Variants in SYT9 observed in about 807,000 individuals in gnomAD.
SYT9 encodes synaptotagmin-9.
Under a neutral mutation model 48.4 loss-of-function variants are expected in SYT9, and 22 were observed. The observed-to-expected ratio is 0.45, with a 90% CI of 0.32 to 0.65. The LOEUF (loss-of-function observed/expected upper bound fraction) is 0.65, where lower values mean the gene tolerates loss of function less well. Among genes scored for constraint, SYT9 ranks in the 30% least tolerant of loss-of-function variants. The pLI, the probability that SYT9 is intolerant of heterozygous loss-of-function variation, is 0.03. For synonymous variants in SYT9, 265 were observed against 245.0 expected (o/e 1.08, Z -0.76); for missense variants, 577 against 622.0 (o/e 0.93, Z 0.77).
At chr11:7,340,285 C>G (rs1290484049) in intron 3 of SYT9, among the ~76,000 whole-genome samples, 4 of 152,108 alleles carry the variant, frequency 2.6e-5, no homozygotes, top group Non-Finnish European at 5.9e-5. Context: ...TCTTAGTTTT[C>G]TTGAGATGAG....
intron 1 of SYT9, among the ~76,000 whole-genome samples, chr11:7,268,440 A>G (rs1848231905): frequency 6.6e-6 from 1 of 152,018 alleles, no homozygotes; most frequent in Non-Finnish European, 1.5e-5. Context: ...TCTGACAAAG[A>G]CAATAGTAAA....
rs192950859 is a variant in SYT9, at chr11:7,461,200, G to T, written c.1468-5592G>T. 7 of 151,924 alleles carry T rather than the reference G, an allele frequency of 4.6e-5. No individual in the cohort carries two copies. The East Asian group carries it at 1.4e-3, about 29-fold the overall frequency. The allele number at this position is 151,924 out of a possible 1,614,324, so 9.4% of individuals were successfully genotyped here. On this transcript the variant is annotated intron_variant, in intron 6 of 6. Transcript: ENST00000318881. ...TTATAACTTTTATCATTCCTATTCCGTGATTTGGGTAGATGGAATTATGGA... is the reference window on the plus strand; with the variant it reads ...TTATAACTTTTATCATTCCTATTCCTTGATTTGGGTAGATGGAATTATGGA...
chr11:7,277,161 T>A (rs145871475), intron 1 of SYT9, among the ~76,000 whole-genome samples: 383 of 152,364 alleles, frequency 2.5e-3, no homozygotes, highest in African/African-American at 8.4e-3. Flanking sequence ...GTGTATTATT[T>A]ATCTTTTTAT....
intron 1 of SYT9, among the ~76,000 whole-genome samples, chr11:7,287,777 T>C (rs887220632): frequency 2.6e-5 from 4 of 152,208 alleles, no homozygotes; most frequent in Non-Finnish European, 4.4e-5. Flanking sequence ...ACTTTTTCTT[T>C]CTTATTTTGG....
At chr11:7,410,720 C>T (rs1283951420) in intron 3 of SYT9, among the ~76,000 whole-genome samples, 1 of 152,106 alleles carries the variant, frequency 6.6e-6, no homozygotes, top group African/African-American at 2.4e-5. Flanking sequence ...CATCCCTTTA[C>T]TTTGGGTGTA....
chr11:7,447,440 T>TCTGTGGTGCCACTTTGCTTTTGC, intron 6 of SYT9, among the ~76,000 whole-genome samples: 1 of 152,318 alleles, frequency 6.6e-6, no homozygotes, highest in South Asian at 2.1e-4. Flanking sequence ...GCAACACTGC[T>TCTGTGGTGCCACTTTGCTTTTGC]CTGTGGTGCC....
chr11:7,378,181 A>G (rs1189377369), intron 3 of SYT9, among the ~76,000 whole-genome samples: 2 of 152,076 alleles, frequency 1.3e-5, no homozygotes, highest in Admixed American at 1.3e-4. Flanking sequence ...AACAGCACAC[A>G]AAGAAATGAA....
At chr11:7,258,297 T>C (rs1848013443) in intron 1 of SYT9, among the ~76,000 whole-genome samples, 1 of 152,202 alleles carries the variant, frequency 6.6e-6, no homozygotes, top group Non-Finnish European at 1.5e-5. Flanking sequence ...ATGGAGTATG[T>C]ATTTCTATTT....
chr11:7,352,671 CAT>C (rs765440189), intron 3 of SYT9, among the ~76,000 whole-genome samples: 4 of 152,196 alleles, frequency 2.6e-5, no homozygotes, highest in African/African-American at 7.2e-5. Flanking sequence ...AATAATATGA[CAT>C]GTGCTCCCCT....
chr11:7,287,395 G>A (rs1848616486), intron 1 of SYT9, among the ~76,000 whole-genome samples: 1 of 152,206 alleles, frequency 6.6e-6, no homozygotes, highest in Non-Finnish European at 1.5e-5. Context: ...TAAGATTTGG[G>A]TGGGGACACA....
At position 7,417,979 on chromosome 11, in the gene SYT9, G is replaced by C. The variant is rs770330480; in HGVS notation, c.1188G>C (p.Leu396=). Residue 396 remains leucine, a synonymous_variant, in exon 5 of 7, where the codon CTG becomes CTC. Transcript: ENST00000318881. ...GASDPYVKVS[L]MCDGRRLKKR... Reference sequence around the variant, plus strand: ...CAGATCCCTATGTGAAAGTCTCGCTGATGTGTGATGGCAGACGACTGAAGA... The same window carrying C: ...CAGATCCCTATGTGAAAGTCTCGCTCATGTGTGATGGCAGACGACTGAAGA... 3 of 1,614,052 alleles carry C rather than the reference G, an allele frequency of 1.9e-6. No individual in the cohort carries two copies. The highest frequency in any genetic ancestry group is 2.5e-6 in the Non-Finnish European group (3 of 1,179,958).
At chr11:7,362,214 G>A (rs920631612) in intron 3 of SYT9, among the ~76,000 whole-genome samples, 3 of 147,386 alleles carry the variant, frequency 2.0e-5, no homozygotes, top group East Asian at 2.0e-4. Context: ...GTGTGATCTC[G>A]GCTTACTGCA....
intron 6 of SYT9, among the ~76,000 whole-genome samples, chr11:7,422,845 G>A (rs137876120): frequency 0.012 from 1,874 of 152,296 alleles, 37 homozygotes; most frequent in African/African-American, 0.043. Flanking sequence ...AGTGCAGGGA[G>A]CAGGCCTTGG....
intron 3 of SYT9, among the ~76,000 whole-genome samples, chr11:7,323,895 T>C (rs1849381258): frequency 6.6e-6 from 1 of 151,898 alleles, no homozygotes; most frequent in South Asian, 2.1e-4. Flanking sequence ...TGATTTTTTT[T>C]TCTCTCTTAA....
chr11:7,401,569 A>ATTGAG (rs1418915720), intron 3 of SYT9, among the ~76,000 whole-genome samples: 2 of 151,742 alleles, frequency 1.3e-5, no homozygotes, highest in Non-Finnish European at 2.9e-5. Flanking sequence ...TTTAGTAGAT[A>ATTGAG]TAAGACTACT....
At chr11:7,278,492 G>T (rs776290498) in intron 1 of SYT9, among the ~76,000 whole-genome samples, 35 of 152,132 alleles carry the variant, frequency 2.3e-4, no homozygotes, top group Non-Finnish European at 4.9e-4. Context: ...ACATTGTCTT[G>T]GGGCCACCTA....
chr11:7,346,128 A>G (rs532953584), intron 3 of SYT9, among the ~76,000 whole-genome samples: 2 of 152,344 alleles, frequency 1.3e-5, no homozygotes, highest in African/African-American at 4.8e-5. Flanking sequence ...AGTAAGGACC[A>G]AAGCCAGAAC....
At chr11:7,282,192 T>C (rs992639437) in intron 1 of SYT9, among the ~76,000 whole-genome samples, 4 of 152,146 alleles carry the variant, frequency 2.6e-5, no homozygotes, top group Admixed American at 1.3e-4. Flanking sequence ...AAAACTTTTC[T>C]CCTAATAATG....
chr11:7,374,827 G>T (rs1192841671), intron 3 of SYT9, among the ~76,000 whole-genome samples: 6 of 152,084 alleles, frequency 3.9e-5, no homozygotes, highest in Non-Finnish European at 8.8e-5. Flanking sequence ...TTAGCCCTTT[G>T]TCAGATGGAT....
Sources: gnomAD v4.1 joint callset for allele counts (sites outside exome capture counted in the v4.1 genomes callset) on GRCh38, gnomAD v4.1.1 for gene constraint, MANE v1.5 for transcripts, NCBI Gene and HGNC (gene_info 2026-07-23, HGNC 2026-07-21) for gene names.